MICU1: variants seen among roughly 807,000 people sequenced by gnomAD.
MICU1 encodes the protein mitochondrial calcium uptake 1.
Under a neutral mutation model 56.8 loss-of-function variants are expected in MICU1, and 45 were observed. That is an observed-to-expected ratio of 0.79 (90% CI 0.62 to 1.02). The LOEUF is 1.02. Among genes scored for constraint, MICU1 ranks in the 50% least tolerant of loss-of-function variants. The pLI is 0.00. For missense variants in MICU1, 504 were observed against 587.1 expected, an observed-to-expected ratio of 0.86 and a Z score of 1.46; for synonymous variants, 186 against 195.1, an observed-to-expected ratio of 0.95 and a Z score of 0.39.
Position 72,372,193 on chromosome 10 carries a change from ACT to A in MICU1, c.1270+3588_1270+3589del, listed in dbSNP as rs1289823098. 1.1e-4 allele frequency among the ~76,000 whole-genome samples: 16 copies of A among 152,120 alleles called. No homozygotes were observed. The East Asian group carries it at 1.5e-3, about 15-fold the overall frequency. ...AGACGAGCCTGGGCAACATCGCAAG[ACT>A]CTTTCTCTACGAAAAAATTCAAAAA... is the stretch of plus-strand genomic sequence containing the variant. On this transcript the variant is annotated intron_variant, in intron 11 of 11. Coordinates refer to ENST00000361114, the MANE Select transcript of MICU1 (RefSeq NM_001195518.2).
At chr10:72,556,972 G>C (rs924412791) in intron 3 of MICU1, among the ~76,000 whole-genome samples, 1 of 151,832 alleles carries the variant, frequency 6.6e-6, no homozygotes, top group Non-Finnish European at 1.5e-5. Context: ...GGCTGAGGCA[G>C]GGAGAATCAC....
chr10:72,621,297 G>A (rs1354473842), intron 1 of MICU1, among the ~76,000 whole-genome samples: 1 of 151,958 alleles, frequency 6.6e-6, no homozygotes, highest in East Asian at 1.9e-4. Flanking sequence ...AGACCAGACT[G>A]ACCAACATGG....
intron 6 of MICU1, among the ~76,000 whole-genome samples, chr10:72,502,225 G>C (rs993553126): frequency 6.7e-6 from 1 of 148,772 alleles, no homozygotes; most frequent in African/African-American, 2.5e-5. Context: ...CGCAACCTCA[G>C]CTCACTGCAA....
intron 1 of MICU1, among the ~76,000 whole-genome samples, chr10:72,619,393 C>T (rs1174169844): frequency 6.6e-6 from 1 of 152,114 alleles, no homozygotes; most frequent in Non-Finnish European, 1.5e-5. Flanking sequence ...TGCAGTGAGC[C>T]GAGATTGTGC....
chr10:72,382,200 C>A (rs187730186), intron 10 of MICU1, among the ~76,000 whole-genome samples: 5 of 151,648 alleles, frequency 3.3e-5, no homozygotes, highest in Non-Finnish European at 7.4e-5. Context: ...AACCTCGCCT[C>A]CCGGGTTTAA....
intron 6 of MICU1, among the ~76,000 whole-genome samples, chr10:72,493,007 C>T (rs1348017657): frequency 6.6e-6 from 1 of 151,996 alleles, no homozygotes. Context: ...ATCCCAGCTA[C>T]TCGGGAGGCT....
At chr10:72,440,410 A>G (rs1864880768) in intron 8 of MICU1, among the ~76,000 whole-genome samples, 1 of 152,254 alleles carries the variant, frequency 6.6e-6, no homozygotes, top group African/African-American at 2.4e-5. Flanking sequence ...AAGATGGATT[A>G]AAGACTTAAA....
chr10:72,526,289 CA>C (rs1195348700), intron 5 of MICU1, among the ~76,000 whole-genome samples: 7 of 152,012 alleles, frequency 4.6e-5, no homozygotes, highest in Non-Finnish European at 7.4e-5. Flanking sequence ...TTCACTTTTG[CA>C]AATTAATTAC....
intron 1 of MICU1, among the ~76,000 whole-genome samples, chr10:72,609,548 C>T (rs1399395286): frequency 1.3e-5 from 2 of 149,108 alleles, no homozygotes; most frequent in Non-Finnish European, 1.5e-5. Context: ...TCCTGGCTAA[C>T]ACGGTGAAAC....
chr10:72,612,011 C>CAA (rs55767300), intron 1 of MICU1, among the ~76,000 whole-genome samples: 4,387 of 119,814 alleles, frequency 0.037, 201 homozygotes, highest in African/African-American at 0.11. Flanking sequence ...ACCAACCAAC[C>CAA]AAAAAAAAAA....
rs549494405 is a variant in MICU1, at chr10:72,446,975, A to C, written c.934-23604T>G. ...ACAAAAAATAAGATTGAGAAAGGAAAGAAAAACTGTAAGTAAGTAATTCTC... is the reference window on the plus strand; with the variant it reads ...ACAAAAAATAAGATTGAGAAAGGAACGAAAAACTGTAAGTAAGTAATTCTC... On this transcript the variant is annotated intron_variant, in intron 8 of 11. Transcript: ENST00000361114. 2.6e-5 allele frequency among the ~76,000 whole-genome samples: 4 copies of C among 152,358 alleles called. No individual in the cohort carries two copies. The South Asian group carries it at 8.3e-4, about 32-fold the overall frequency.
chr10:72,567,214 T>C (rs190112287), intron 1 of MICU1, among the ~76,000 whole-genome samples: 1 of 152,132 alleles, frequency 6.6e-6, no homozygotes, highest in East Asian at 1.9e-4. Flanking sequence ...CATGGTGACA[T>C]GCACTTGTAG....
intron 8 of MICU1, among the ~76,000 whole-genome samples, chr10:72,429,091 A>G (rs148871984): frequency 3.9e-5 from 6 of 152,290 alleles, no homozygotes; most frequent in African/African-American, 1.4e-4. Context: ...TAATATATGT[A>G]AAGAAATTAG....
chr10:72,481,446 C>T (rs1174006804), intron 6 of MICU1, among the ~76,000 whole-genome samples: 2 of 152,028 alleles, frequency 1.3e-5, no homozygotes, highest in African/African-American at 2.4e-5. Context: ...GAATCTTGCT[C>T]TATTGCCCAG....
intron 6 of MICU1, among the ~76,000 whole-genome samples, chr10:72,505,195 T>C (rs571044649): frequency 1.1e-4 from 16 of 152,146 alleles, no homozygotes; most frequent in African/African-American, 3.6e-4. Flanking sequence ...GCCAGGCTGA[T>C]CTTGAACTCC....
chr10:72,422,826 T>C (rs1352206758), intron 9 of MICU1, among the ~76,000 whole-genome samples: 4 of 150,444 alleles, frequency 2.7e-5, no homozygotes, highest in African/African-American at 9.9e-5. Flanking sequence ...TTCTTGTGCC[T>C]CAGCCTCTGA....
intron 1 of MICU1, among the ~76,000 whole-genome samples, chr10:72,585,380 G>C (rs1386069901): frequency 6.6e-6 from 1 of 152,092 alleles, no homozygotes; most frequent in Non-Finnish European, 1.5e-5. Context: ...AGCAGTGACA[G>C]AATCTTAGTA....
intron 8 of MICU1, among the ~76,000 whole-genome samples, chr10:72,463,069 CT>C (rs797013532): frequency 0.049 from 7,185 of 145,310 alleles, 525 homozygotes; most frequent in African/African-American, 0.17. Context: ...GTCTTCTGCA[CT>C]TTTTTTTTTT....
chr10:72,494,855 AAC>A (rs1866785280), intron 6 of MICU1, among the ~76,000 whole-genome samples: 1 of 151,272 alleles, frequency 6.6e-6, no homozygotes, highest in African/African-American at 2.5e-5. Flanking sequence ...AAAAAAAAAA[AAC>A]AAAACAAAAA....
Sources: gnomAD v4.1 joint callset for allele counts (sites outside exome capture counted in the v4.1 genomes callset) on GRCh38, gnomAD v4.1.1 for gene constraint, MANE v1.5 for transcripts, NCBI Gene and HGNC (gene_info 2026-07-23, HGNC 2026-07-21) for gene names.